Variants in CACNA1C observed in about 807,000 individuals in gnomAD.
CACNA1C encodes calcium voltage-gated channel subunit alpha1 C.
In CACNA1C, 30 loss-of-function variants were observed where a neutral mutation model predicts 229.0. That is an observed-to-expected ratio of 0.13 (90% confidence interval 0.10 to 0.18). CACNA1C has a LOEUF of 0.18. CACNA1C is among the 10% of genes least tolerant of loss of function. CACNA1C has a pLI of 1.00. For synonymous variants in CACNA1C, 1,114 were observed against 1,132.5 expected, an observed-to-expected ratio of 0.98 and a Z score of 0.33; for missense variants, 1,658 against 2,845.0, an observed-to-expected ratio of 0.58 and a Z score of 9.49.
rs1434345474 is a variant in CACNA1C, at chr12:2,188,589, A to G, written c.477+68159A>G. On this transcript the variant is annotated intron_variant, in intron 3 of 46. Transcript: ENST00000399655. ...CTTCTGTCTCTCCCCATCCCCAGAG[A>G]GAGAGAAAAAATAAAAATAAAAAGA... Among the ~76,000 whole-genome samples, 3 of 152,292 alleles carry G rather than the reference A, an allele frequency of 2.0e-5. No individual in the cohort carries two copies. The East Asian group carries it at 5.8e-4, about 29-fold the overall frequency.
At chr12:2,684,225 A>G (rs4765973) in intron 43 of CACNA1C, among the ~76,000 whole-genome samples, 1,841 of 152,302 alleles carry the variant, frequency 0.012, 122 homozygotes, top group Admixed American at 0.09. Context: ...CGAGTGAGTA[A>G]GGAAAAGCAT....
rs912435699 is a variant in CACNA1C at position 2,287,421 on chromosome 12, G to A, written c.478-161555G>A. On this transcript the variant is annotated intron_variant, in intron 3 of 46. Coordinates refer to ENST00000399655, the MANE Select transcript of CACNA1C (RefSeq NM_000719.7). This position sits in a 1 kb window ranked among gnomAD's most constrained non-coding sequence, Gnocchi z 4.6. ...AATGAGAATGAACGTGGCTGCTCGTGTGTTCCGTGGCTGTTTAGGAAGGTT... is the reference window on the plus strand; with the variant it reads ...AATGAGAATGAACGTGGCTGCTCGTATGTTCCGTGGCTGTTTAGGAAGGTT... 3.9e-5 allele frequency among the ~76,000 whole-genome samples: 6 copies of A among 152,198 alleles called. No individual in the cohort carries two copies. Among genetic ancestry groups the A allele is most frequent in the Admixed American group, 6.5e-5 (1 of 15,288 alleles).
At chr12:2,527,475 AACCATTGTATCTCATGTCCAT>A (rs954262157) in intron 9 of CACNA1C, among the ~76,000 whole-genome samples, 6 of 152,220 alleles carry the variant, frequency 3.9e-5, no homozygotes, top group Non-Finnish European at 7.3e-5. Flanking sequence ...CAGCCTGTCC[AACCATTGTATCTCATGTCCAT>A]GACTCATGAG....
At chr12:2,322,795 G>A (rs1383490988) in intron 3 of CACNA1C, among the ~76,000 whole-genome samples, 1 of 152,194 alleles carries the variant, frequency 6.6e-6, no homozygotes, top group Admixed American at 6.5e-5. Flanking sequence ...CCTGTTGCAT[G>A]AGCATCTGTC....
chr12:2,486,296 C>T lies in CACNA1C; in HGVS notation c.916+34C>T, dbSNP rs1456702333. On this transcript the variant is annotated intron_variant, in intron 6 of 46. Coordinates refer to ENST00000399655, the MANE Select transcript of CACNA1C (RefSeq NM_000719.7). This position sits in a 1 kb window ranked among gnomAD's most constrained non-coding sequence, Gnocchi z 4.9. The stretch of plus-strand genomic sequence containing the variant: ...GGCAGGCGGCTGCGCTCCCAAGGCC[C>T]TGCCCTCTATCGCTCCCAGCACCTT... 1.3e-6 allele frequency: 2 copies of T among 1,592,660 alleles called. No individual in the cohort carries two copies. The highest frequency in any genetic ancestry group is 2.7e-5 in the African/African-American group (2 of 74,596).
intron 9 of CACNA1C, among the ~76,000 whole-genome samples, chr12:2,549,213 A>G (rs1038178374): frequency 4.6e-5 from 7 of 152,316 alleles, no homozygotes; most frequent in African/African-American, 1.7e-4. Flanking sequence ...GCCTGTTGAC[A>G]TGGGAATGTC....
In CACNA1C at chr12:2,688,447, G is replaced by T. The variant is rs367594886; in HGVS notation, c.5785G>T (p.Ala1929Ser). 1 of 1,613,796 alleles carries T rather than the reference G, an allele frequency of 6.2e-7. No individual in the cohort carries two copies. Among genetic ancestry groups the T allele is most frequent in the Admixed American group, 1.7e-5 (1 of 60,020 alleles). Residue 1929 changes from alanine (A) to serine (S), a missense_variant and splice_region_variant, in exon 46 of 47, where the codon GCA becomes TCA. Ala to Ser is a moderately conservative substitution (Grantham distance 99, BLOSUM62 1). This residue lies in a region of CACNA1C where 590 missense variants were observed against 700.8 expected (regional missense o/e 0.84). Coordinates refer to ENST00000399655, the MANE Select transcript of CACNA1C (RefSeq NM_000719.7). ...ACTCACACTCCTTGTGTGTCCGCAG[G>T]CATTGGCAGTGGCAGGCCTGAGCCC... ...VLPLHLVHHQ[A>S]LAVAGLSPLL...
Position 2,677,278 on chromosome 12 carries a change from C to G in CACNA1C, c.4956+57C>G, listed in dbSNP as rs1389338237. 21 of 1,582,984 alleles carry G rather than the reference C, an allele frequency of 1.3e-5. No homozygotes were observed. In the Middle Eastern group the frequency reaches 8.4e-4, roughly 64 times the overall value. ...GAAGGTCCTGGTCATTGCCTCTGAC[C>G]TCCAGTCAGGGTCCCGGTCCCTCCC... On this transcript the variant is annotated intron_variant, in intron 40 of 46. Coordinates refer to ENST00000399655, the MANE Select transcript of CACNA1C (RefSeq NM_000719.7). The surrounding 1 kb of genome is among the most constrained non-coding windows in gnomAD (Gnocchi z 7.4).
Position 2,488,443 on chromosome 12 carries a change from C to A in CACNA1C, c.916+2181C>A, listed in dbSNP as rs749529452. On this transcript the variant is annotated intron_variant, in intron 6 of 46. Transcript: ENST00000399655. The surrounding 1 kb of genome is among the most constrained non-coding windows in gnomAD (Gnocchi z 4.0). ...TCGCCCCAACGCCCCAAGTACCGAA[C>A]CTGTCATGGCCTCCTCTTCTCTTAG... Among the ~76,000 whole-genome samples the A allele has an allele frequency of 1.6e-4, 25 of 152,208 alleles. No homozygotes were observed. The highest frequency in any genetic ancestry group is 7.7e-4 in the East Asian group (4 of 5,196).
rs11062130 is a variant in CACNA1C at position 2,143,609 on chromosome 12, T to C, written c.477+23179T>C. Among the ~76,000 whole-genome samples, 4 of 151,280 alleles carry C rather than the reference T, an allele frequency of 2.6e-5. 1 individual carries two copies. The highest frequency in any genetic ancestry group is 9.7e-5 in the African/African-American group (4 of 41,336). ...ACTAGGCTGTATGTAGCATACAGTCTGCGTGTGTCGTAGGCTGTGCCATCC... is the reference window on the plus strand; with the variant it reads ...ACTAGGCTGTATGTAGCATACAGTCCGCGTGTGTCGTAGGCTGTGCCATCC... On this transcript the variant is annotated intron_variant, in intron 3 of 46. Transcript: ENST00000399655.
intron 7 of CACNA1C, among the ~76,000 whole-genome samples, chr12:2,502,219 C>T (rs539090608): frequency 6.6e-6 from 1 of 152,226 alleles, no homozygotes; most frequent in Non-Finnish European, 1.5e-5. Flanking sequence ...GCAAGGATTT[C>T]GTGTTTACAG....
chr12:2,513,055 G>A, intron 9 of CACNA1C, 71 bp downstream of exon 9: 1 of 1,313,578 alleles, frequency 7.6e-7, no homozygotes, highest in Non-Finnish European at 1.0e-6. Flanking sequence ...GGTCAGCACA[G>A]AACTTTGACC....
intron 3 of CACNA1C, among the ~76,000 whole-genome samples, chr12:2,307,316 A>G (rs1291249832): frequency 6.6e-6 from 1 of 152,200 alleles, no homozygotes; most frequent in Non-Finnish European, 1.5e-5. Flanking sequence ...ATTGCCAAAA[A>G]GAAAATCTGA....
rs925391546 is a variant in CACNA1C at position 1,996,629 on chromosome 12, A to C, written c.139+25428A>C. ...TAGCTGATGAGCTAAAAAAAAAAAA[A>C]AAAAAAAAAAAAAAAAAAAAAAAAA... On this transcript the variant is annotated intron_variant, in intron 1 of 46. Coordinates refer to the CACNA1C transcript ENST00000682462. Among the ~76,000 whole-genome samples the C allele has an allele frequency of 5.7e-3, 482 of 84,016 alleles. 14 individuals carry two copies. Among genetic ancestry groups the C allele is most frequent in the African/African-American group, 0.027 (445 of 16,342 alleles). The allele number at this position is 84,016 out of a possible 152,430, so 55.1% of individuals were successfully genotyped here.
chr12:2,535,396 GA>G (rs2099851012), intron 9 of CACNA1C, among the ~76,000 whole-genome samples: 1 of 148,510 alleles, frequency 6.7e-6, no homozygotes. Flanking sequence ...CTCAAAAAAA[GA>G]AAAAGAAAAA....
chr12:2,644,950 T>G (rs554031545), intron 30 of CACNA1C, among the ~76,000 whole-genome samples: 1 of 152,310 alleles, frequency 6.6e-6, no homozygotes, highest in East Asian at 1.9e-4. Context: ...CTGGAACCAC[T>G]AACCAGAGCT....
chr12:2,575,542 A>T lies in CACNA1C; in HGVS notation c.1896-6048A>T, dbSNP rs955863245. On this transcript the variant is annotated intron_variant, in intron 13 of 46. Coordinates refer to ENST00000399655, the MANE Select transcript of CACNA1C (RefSeq NM_000719.7). The surrounding 1 kb of genome is among the most constrained non-coding windows in gnomAD (Gnocchi z 4.0). ...GCCAATTCTCACTCCTCTTCACTCC[A>T]TTGCCTCCCATGAAGCCCCAGCCAC... Among the ~76,000 whole-genome samples, 3 of 151,988 alleles carry T rather than the reference A, an allele frequency of 2.0e-5. No individual in the cohort carries two copies. The highest frequency in any genetic ancestry group is 7.3e-5 in the African/African-American group (3 of 41,348).
At chr12:2,268,778 G>A (rs1329984365) in intron 3 of CACNA1C, among the ~76,000 whole-genome samples, 1 of 152,200 alleles carries the variant, frequency 6.6e-6, no homozygotes, top group East Asian at 1.9e-4. Flanking sequence ...AACACCATCT[G>A]CCAAAGATGA....
At chr12:2,567,024 G>C (rs956924650) in intron 12 of CACNA1C, among the ~76,000 whole-genome samples, 2 of 152,228 alleles carry the variant, frequency 1.3e-5, no homozygotes, top group Non-Finnish European at 2.9e-5. Context: ...ACAAGGAACC[G>C]TCTTCAATGG....
Sources: allele counts gnomAD v4.1 joint callset (sites outside exome capture counted in the v4.1 genomes callset), GRCh38; gene constraint gnomAD v4.1.1; regional missense constraint gnomAD v4.1.1; non-coding constraint Gnocchi (gnomAD v3.1); transcripts MANE v1.5; gene names NCBI Gene and HGNC (gene_info 2026-07-23, HGNC 2026-07-21).